Variants in AP3B1 observed in about 807,000 individuals in gnomAD.
The protein encoded by AP3B1 is AP-3 complex subunit beta-1.
AP3B1 carries 61 observed loss-of-function variants against 132.5 expected under a neutral mutation model. The ratio of observed to expected loss-of-function variants is 0.46; its 90% CI spans 0.37 to 0.57. The LOEUF (loss-of-function observed/expected upper bound fraction) is 0.57. Ranked by LOEUF, AP3B1 falls within the 20% of genes least tolerant of loss-of-function variation. The probability of loss-of-function intolerance (pLI) is 0.00; values close to 1 mark genes in which losing one functional copy is unlikely to be tolerated. For missense variants in AP3B1, 1,120 were observed against 1,289.4 expected (o/e 0.87, Z 2.01); for synonymous variants, 388 against 438.3 (o/e 0.89, Z 1.43).
rs148335288 is a variant in AP3B1, at chr5:78,189,092, G to C, written c.787-7430C>G. Among the ~76,000 whole-genome samples, 136 of 152,274 alleles carry C rather than the reference G, an allele frequency of 8.9e-4. 1 individual carries two copies. Among genetic ancestry groups the C allele is most frequent in the Middle Eastern group, 6.8e-3 (2 of 294 alleles). On this transcript the variant is annotated intron_variant, in intron 7 of 26. Transcript: ENST00000255194. ...CCTGTCAGGGCAGGGTTAGTGGGGA[G>C]AGCATTAGGGAAAAGAGCTAATGGA...
At chr5:78,116,277 G>C in intron 17 of AP3B1, 43 bp from the exon 18 acceptor site, 1 of 1,526,924 alleles carries the variant, frequency 6.5e-7, no homozygotes, top group Non-Finnish European at 9.1e-7. Context: ...TTCTCATTCA[G>C]AGATTTAGAG....
At chr5:78,110,684 C>CTCTG (rs1554066563) in intron 19 of AP3B1, among the ~76,000 whole-genome samples, 1 of 143,560 alleles carries the variant, frequency 7.0e-6, no homozygotes, top group Non-Finnish European at 1.5e-5. Context: ...AATACTGTGC[C>CTCTG]TGTGTGTGTG....
intron 24 of AP3B1, among the ~76,000 whole-genome samples, chr5:78,024,413 G>C (rs1294236289): frequency 3.9e-4 from 60 of 151,966 alleles, no homozygotes; most frequent in African/African-American, 1.5e-3. Context: ...CTGGGAGACA[G>C]GGTCTCAGCT....
Position 78,144,004 on chromosome 5 carries a change from CA to C in AP3B1, c.1474-2686del, listed in dbSNP as rs905621031. On this transcript the variant is annotated intron_variant, in intron 14 of 26. Coordinates refer to ENST00000255194, the MANE Select transcript of AP3B1 (RefSeq NM_003664.5). ...TGGGTGACAGAGCGAGACTCTGTCT[CA>C]AAAAAAAAAGAAAAGTAAATTAGTC... Among the ~76,000 whole-genome samples, 558 of 142,052 alleles carry C rather than the reference CA, an allele frequency of 3.9e-3. 5 individuals carry two copies. Among genetic ancestry groups the C allele is most frequent in the African/African-American group, 0.014 (528 of 38,660 alleles). The allele number at this position is 142,052 out of a possible 152,430, so 93.2% of individuals were successfully genotyped here.
At chr5:78,078,019 C>T (rs2112175677) in intron 22 of AP3B1, among the ~76,000 whole-genome samples, 1 of 152,306 alleles carries the variant, frequency 6.6e-6, no homozygotes, top group African/African-American at 2.4e-5. Context: ...CTACCTTAAA[C>T]CATTACCCAT....
At chr5:78,001,732 C>T (rs1295426512), downstream of AP3B1, 1 of 152,136 alleles carries the variant, frequency 6.6e-6, no homozygotes, top group Non-Finnish European at 1.5e-5. Flanking sequence ...TTTTAAAAAT[C>T]ATTATGTATG....
chr5:78,003,031 A>G lies in AP3B1; in HGVS notation c.3156T>C (p.Ser1052=). The G allele has an allele frequency of 6.2e-7, 1 of 1,614,188 alleles. No homozygotes were observed. Among genetic ancestry groups the G allele is most frequent in the Admixed American group, 1.7e-5 (1 of 60,032 alleles). The change falls in exon 27 of 27, where the codon AGT becomes AGC. Residue 1052 remains serine, a synonymous_variant. Coordinates refer to ENST00000255194, the MANE Select transcript of AP3B1 (RefSeq NM_003664.5). The part of the protein sequence containing the change: ...IHRFAAKTVH[S]GSLMLVTVEL... ...CCACTGTGACTAGCATCAATGACCC[A>G]CTGTGCACAGTTTTAGCTGCAAACC...
intron 17 of AP3B1, among the ~76,000 whole-genome samples, chr5:78,118,681 C>A (rs1311270899): frequency 6.6e-6 from 1 of 151,746 alleles, no homozygotes; most frequent in East Asian, 1.9e-4. Context: ...CCAGGAAGCT[C>A]GAACTGGATG....
chr5:78,154,574 A>T (rs1220135795), intron 14 of AP3B1, among the ~76,000 whole-genome samples: 1 of 152,082 alleles, frequency 6.6e-6, no homozygotes, highest in Non-Finnish European at 1.5e-5. Context: ...TGTAACACCA[A>T]TATCTCTTAG....
chr5:78,147,005 A>G (rs540692487), intron 14 of AP3B1, among the ~76,000 whole-genome samples: 25 of 152,150 alleles, frequency 1.6e-4, no homozygotes, highest in African/African-American at 5.8e-4. Flanking sequence ...TTCAAGAGAT[A>G]TAAGGTTTTA....
intron 7 of AP3B1, among the ~76,000 whole-genome samples, chr5:78,194,359 T>C (rs139475375): frequency 5.9e-5 from 9 of 152,116 alleles, no homozygotes; most frequent in Admixed American, 5.2e-4. Context: ...TACAAATGCA[T>C]GAAAAGGTTT....
intron 21 of AP3B1, among the ~76,000 whole-genome samples, chr5:78,093,200 T>C (rs1750606552): frequency 6.6e-6 from 1 of 152,158 alleles, no homozygotes; most frequent in African/African-American, 2.4e-5. Context: ...GTAGGTTTTG[T>C]TTTGTTTTTG....
At chr5:78,183,874 A>AC in intron 7 of AP3B1, among the ~76,000 whole-genome samples, 1 of 150,802 alleles carries the variant, frequency 6.6e-6, no homozygotes, top group Non-Finnish European at 1.5e-5. Flanking sequence ...TCTTAAAAAA[A>AC]AAAAAAAAAA....
intron 8 of AP3B1, 146 bp downstream of exon 8, chr5:78,181,361 C>T (rs1744360066): frequency 2.7e-6 from 2 of 743,872 alleles, no homozygotes; most frequent in South Asian, 3.4e-5. Flanking sequence ...CCACACTGTA[C>T]TTCCAACTAT....
intron 15 of AP3B1, among the ~76,000 whole-genome samples, chr5:78,137,495 A>G (rs1252190765): frequency 6.6e-6 from 1 of 152,162 alleles, no homozygotes; most frequent in Non-Finnish European, 1.5e-5. Flanking sequence ...AAGGACTTTG[A>G]ATTTCCTTTT....
chr5:78,023,213 T>A (rs1009804954), intron 24 of AP3B1, among the ~76,000 whole-genome samples: 5 of 152,178 alleles, frequency 3.3e-5, no homozygotes, highest in Non-Finnish European at 5.9e-5. Flanking sequence ...TTTAGCCACA[T>A]TATATTTTGA....
chr5:78,238,609 T>C (rs756851850), intron 3 of AP3B1, among the ~76,000 whole-genome samples: 2 of 152,078 alleles, frequency 1.3e-5, no homozygotes, highest in Non-Finnish European at 2.9e-5. Context: ...AGTATTTGTG[T>C]ATCTAAACAT....
chr5:78,065,967 G>A (rs1749271975), intron 22 of AP3B1, among the ~76,000 whole-genome samples: 1 of 152,164 alleles, frequency 6.6e-6, no homozygotes, highest in African/African-American at 2.4e-5. Context: ...GAAAGAGAAG[G>A]CAGCCATCTT....
intron 1 of AP3B1, among the ~76,000 whole-genome samples, chr5:78,273,788 A>G (rs1748655236): frequency 6.6e-6 from 1 of 152,102 alleles, no homozygotes; most frequent in Non-Finnish European, 1.5e-5. Context: ...GTATAAGAAA[A>G]AGTTCCATAA....
Sources: allele counts gnomAD v4.1 joint callset (sites outside exome capture counted in the v4.1 genomes callset), GRCh38; gene constraint gnomAD v4.1.1; transcripts MANE v1.5; gene names NCBI Gene and HGNC (gene_info 2026-07-23, HGNC 2026-07-21).